RAB1A: variants seen among roughly 807,000 people sequenced by gnomAD.
The protein encoded by RAB1A is RAB1A, member RAS oncogene family.
RAB1A carries 2 observed loss-of-function variants against 26.0 expected under a neutral mutation model. That is an observed-to-expected ratio of 0.08 (90% CI 0.03 to 0.24). The LOEUF (loss-of-function observed/expected upper bound fraction) is 0.24, where lower values mean the gene tolerates loss of function less well. Among genes scored for constraint, RAB1A ranks in the 10% least tolerant of loss-of-function variants. RAB1A has a pLI of 1.00. For missense variants in RAB1A, 100 were observed against 247.0 expected (o/e 0.40, Z 3.99); for synonymous variants, 84 against 84.9 (o/e 0.99, Z 0.06).
intron 1 of RAB1A, among the ~76,000 whole-genome samples, chr2:65,124,694 G>A (rs1417721824): frequency 5.3e-5 from 8 of 152,016 alleles, no homozygotes; most frequent in Non-Finnish European, 1.0e-4. Context: ...GTGATCTACC[G>A]CCTGGGCCTC....
chr2:65,111,414 G>A (rs1166338939), intron 1 of RAB1A, among the ~76,000 whole-genome samples: 2 of 151,636 alleles, frequency 1.3e-5, no homozygotes, highest in South Asian at 4.2e-4. Flanking sequence ...ACAACTGACG[G>A]ACATTCTATA....
chr2:65,101,842 T>C (rs1669439247), intron 2 of RAB1A, among the ~76,000 whole-genome samples: 1 of 144,118 alleles, frequency 6.9e-6, no homozygotes, highest in Non-Finnish European at 1.5e-5. Flanking sequence ...CTCCGCCTCC[T>C]GGGTTCAAGC....
intron 2 of RAB1A, among the ~76,000 whole-genome samples, chr2:65,099,043 G>A (rs1338240749): frequency 1.3e-5 from 2 of 151,938 alleles, no homozygotes; most frequent in East Asian, 3.9e-4. Flanking sequence ...CGTGATGATG[G>A]TCAGGCTGGT....
In RAB1A at chr2:65,088,565, A is replaced by G. The variant is rs72888448; in HGVS notation, c.546T>C (p.Ala182=). 1.9e-6 allele frequency: 3 copies of G among 1,613,752 alleles called. No homozygotes were observed. The highest frequency in any genetic ancestry group is 2.5e-6 in the Non-Finnish European group (3 of 1,179,836). The change falls in exon 6 of 6, where the codon GCT becomes GCC. Residue 182 remains alanine, a synonymous_variant. Coordinates refer to ENST00000409784, the MANE Select transcript of RAB1A (RefSeq NM_004161.5). ...TAACATTGGACTTCTCAGCACCACC[A>G]GCTGTTGCTCCGGGACCCATTCGCT... ...IKKRMGPGAT[A]GGAEKSNVKI... is the part of the protein sequence containing the mutation.
intron 2 of RAB1A, among the ~76,000 whole-genome samples, chr2:65,102,088 AT>A (rs1669444446): frequency 6.6e-6 from 1 of 152,012 alleles, no homozygotes; most frequent in Non-Finnish European, 1.5e-5. Flanking sequence ...CTGCTCATGT[AT>A]TTGCCACTAT....
intron 1 of RAB1A, among the ~76,000 whole-genome samples, chr2:65,105,990 G>T (rs1669547780): frequency 6.6e-6 from 1 of 152,120 alleles, no homozygotes; most frequent in Admixed American, 6.6e-5. Context: ...TCGATCTCCT[G>T]ACCTCATGAT....
chr2:65,124,710 G>T (rs551395754), intron 1 of RAB1A, among the ~76,000 whole-genome samples: 1 of 152,236 alleles, frequency 6.6e-6, no homozygotes, highest in East Asian at 1.9e-4. Context: ...GCCTCCCAAA[G>T]TGCTGTGATT....
intron 2 of RAB1A, among the ~76,000 whole-genome samples, chr2:65,100,400 CAAA>C (rs34166798): frequency 5.2e-5 from 3 of 57,968 alleles, no homozygotes; most frequent in South Asian, 6.6e-4. Flanking sequence ...GTCTCTGTCT[CAAA>C]AAAAAAAAAA....
Position 65,128,649 on chromosome 2 carries a change from G to C in RAB1A, c.23+1244C>G, listed in dbSNP as rs370903875. Among the ~76,000 whole-genome samples, 57 of 152,298 alleles carry C rather than the reference G, an allele frequency of 3.7e-4. 6 individuals are homozygous for C. The highest frequency in any genetic ancestry group is 2.9e-3 in the East Asian group (15 of 5,188). On this transcript the variant is annotated intron_variant, in intron 1 of 5. Transcript: ENST00000409784. ...AGAGCCATGTGACACACATATGACA[G>C]TCAGCTAAACTGGTGGGTGGACCTT...
intron 1 of RAB1A, among the ~76,000 whole-genome samples, chr2:65,113,661 G>A (rs1190376063): frequency 2.0e-5 from 3 of 152,224 alleles, no homozygotes; most frequent in East Asian, 3.8e-4. Flanking sequence ...GTACAAAGTA[G>A]AGGATGAATC....
Position 65,102,644 on chromosome 2 carries a change from AT to A in RAB1A, c.96+2089del, listed in dbSNP as rs1448716796. On this transcript the variant is annotated intron_variant, in intron 2 of 5. Coordinates refer to ENST00000409784, the MANE Select transcript of RAB1A (RefSeq NM_004161.5). ...TTTCAAGTTAAAAAAAAAAAAAAAA[AT>A]GTCCAGGTGCAGTAGTTCACGCCTG... Among the ~76,000 whole-genome samples, 27 of 139,384 alleles carry A rather than the reference AT, an allele frequency of 1.9e-4. No homozygotes were observed. In the East Asian group the frequency reaches 3.3e-3, roughly 17 times the overall value. The allele number at this position is 139,384 out of a possible 152,430, so 91.4% of individuals were successfully genotyped here.
intron 1 of RAB1A, among the ~76,000 whole-genome samples, chr2:65,111,028 G>A (rs1669681941): frequency 6.6e-6 from 1 of 152,050 alleles, no homozygotes; most frequent in Non-Finnish European, 1.5e-5. Flanking sequence ...ATAAAACTAA[G>A]GAGAAACAGG....
At chr2:65,102,170 C>T (rs961187144) in intron 2 of RAB1A, among the ~76,000 whole-genome samples, 1 of 151,854 alleles carries the variant, frequency 6.6e-6, no homozygotes, top group South Asian at 2.1e-4. Context: ...TACCAATCCT[C>T]ATATATATAT....
chr2:65,106,715 T>A (rs1260726088), intron 1 of RAB1A, among the ~76,000 whole-genome samples: 3 of 76,082 alleles, frequency 3.9e-5, no homozygotes, highest in African/African-American at 1.3e-4. Context: ...TAGACATCCT[T>A]TCCAGTTTGA....
chr2:65,109,730 GA>G (rs1210476242), intron 1 of RAB1A, among the ~76,000 whole-genome samples: 1 of 151,140 alleles, frequency 6.6e-6, no homozygotes, highest in Admixed American at 6.6e-5. Flanking sequence ...AAAGAGAAAG[GA>G]AAAAAAAGAA....
intron 2 of RAB1A, among the ~76,000 whole-genome samples, chr2:65,100,717 C>T (rs1248683032): frequency 1.3e-4 from 19 of 149,982 alleles, no homozygotes. Flanking sequence ...CGAGATTGCA[C>T]GACTGCACTC....
intron 1 of RAB1A, among the ~76,000 whole-genome samples, chr2:65,110,901 A>C (rs969926239): frequency 6.6e-6 from 1 of 152,124 alleles, no homozygotes; most frequent in Non-Finnish European, 1.5e-5. Flanking sequence ...TCACTACTGC[A>C]TTCCAACTTG....
chr2:65,103,174 A>G (rs1669471531), intron 2 of RAB1A, among the ~76,000 whole-genome samples: 1 of 151,676 alleles, frequency 6.6e-6, no homozygotes. Flanking sequence ...AAAATCAGCC[A>G]GGCATGATGG....
chr2:65,093,339 T>C (rs1051210734), intron 3 of RAB1A, among the ~76,000 whole-genome samples: 2 of 152,190 alleles, frequency 1.3e-5, no homozygotes. Flanking sequence ...CCTGGTGTAA[T>C]GTAGACATTT....
Sources: allele counts gnomAD v4.1 joint callset (sites outside exome capture counted in the v4.1 genomes callset), GRCh38; gene constraint gnomAD v4.1.1; transcripts MANE v1.5; gene names NCBI Gene and HGNC (gene_info 2026-07-23, HGNC 2026-07-21).